AP3D1: variants seen among roughly 807,000 people sequenced by gnomAD.
The protein encoded by AP3D1 is AP-3 complex subunit delta-1.
In AP3D1, 51 loss-of-function variants were observed where a neutral mutation model predicts 147.6. That is an observed-to-expected ratio of 0.35 (90% CI 0.28 to 0.44). AP3D1 has a LOEUF of 0.44. Among genes scored for constraint, AP3D1 ranks in the 20% least tolerant of loss-of-function variants. The pLI is 1.00. For synonymous variants in AP3D1, 760 were observed against 663.0 expected, an observed-to-expected ratio of 1.15 and a Z score of -2.25; for missense variants, 1,421 against 1,624.2, an observed-to-expected ratio of 0.87 and a Z score of 2.15.
At chr19:2,110,954 A>T (rs1195655828) in intron 26 of AP3D1, 58 bp from the exon 27 acceptor site, 17 of 1,558,054 alleles carry the variant, frequency 1.1e-5, no homozygotes, top group Non-Finnish European at 1.4e-5. Context: ...GAACAGGCAC[A>T]GCCACCTGTC....
At chr19:2,136,119 G>A (rs1340787611) in intron 4 of AP3D1, among the ~76,000 whole-genome samples, 1 of 152,130 alleles carries the variant, frequency 6.6e-6, no homozygotes, top group Admixed American at 6.5e-5. Context: ...TGACCCAAGA[G>A]CCCCACGGCA....
At chr19:2,142,309 C>T (rs946924869) in intron 1 of AP3D1, among the ~76,000 whole-genome samples, 3 of 151,604 alleles carry the variant, frequency 2.0e-5, no homozygotes, top group African/African-American at 2.4e-5. Flanking sequence ...CTACTGCACC[C>T]GACCTAACAT....
upstream of AP3D1, among the ~76,000 whole-genome samples, chr19:2,155,317 C>T (rs1425453063): frequency 5.9e-5 from 9 of 151,326 alleles, no homozygotes; most frequent in Admixed American, 1.3e-4. Flanking sequence ...GTGGAGATTG[C>T]GCCACTGCAC....
At chr19:2,102,597 G>A (rs557014134) in intron 31 of AP3D1, among the ~76,000 whole-genome samples, 21 of 152,052 alleles carry the variant, frequency 1.4e-4, no homozygotes, top group African/African-American at 2.2e-4. Flanking sequence ...GCAGGGTGGC[G>A]GGTGCCTGTA....
intron 14 of AP3D1, among the ~76,000 whole-genome samples, chr19:2,119,794 G>C (rs148260810): frequency 1.5e-4 from 23 of 151,434 alleles, no homozygotes; most frequent in Middle Eastern, 6.9e-3. Flanking sequence ...AAATTAGCCA[G>C]GCTTGAGCTT....
rs1568280235 is a variant in AP3D1, at chr19:2,114,316, GACCGGGCC to G, written c.2424-22_2424-15del. ...TCGGCTAAGGGCCTGGAGGAGGAAT[GACCGGGCC>G]ACACATCAGCACCACTGGCCACCCC... On this transcript the variant is annotated splice_polypyrimidine_tract_variant and intron_variant, in intron 21 of 31. Coordinates refer to ENST00000643116, the MANE Select transcript of AP3D1 (RefSeq NM_001261826.3). 1.9e-6 allele frequency: 3 copies of G among 1,605,464 alleles called. No homozygotes were observed. The highest frequency in any genetic ancestry group is 2.2e-5 in the South Asian group (2 of 90,750).
intron 1 of AP3D1, among the ~76,000 whole-genome samples, chr19:2,141,286 C>A (rs1380664088): frequency 6.6e-6 from 1 of 152,080 alleles, no homozygotes; most frequent in African/African-American, 2.4e-5. Flanking sequence ...AAGTGAGATA[C>A]TAAAACAATG....
chr19:2,138,705 T>A lies in AP3D1; in HGVS notation c.106A>T (p.Ile36Leu). 6.2e-7 allele frequency: 1 copy of A among 1,612,424 alleles called. No individual in the cohort carries two copies. The highest frequency in any genetic ancestry group is 8.5e-7 in the Non-Finnish European group (1 of 1,179,322). ...RNHKEDEAKY[I>L]SQCIDEIKQE... is the part of the protein sequence containing the mutation. The stretch of plus-strand genomic sequence containing the variant: ...TTGATCTCATCAATGCACTGAGATA[T>A]GTATTTTGCCTATAATGGGGGATAA... The change falls in exon 2 of 32, where the codon ATA (isoleucine) becomes TTA (leucine). Residue 36 changes from isoleucine to leucine, a missense_variant. Ile to Leu is a conservative substitution (Grantham distance 5, BLOSUM62 2). This residue lies in a region of AP3D1 where 292 missense variants were observed against 412.0 expected (regional missense o/e 0.71). Coordinates refer to ENST00000643116, the MANE Select transcript of AP3D1 (RefSeq NM_001261826.3).
intron 1 of AP3D1, among the ~76,000 whole-genome samples, chr19:2,148,921 C>G (rs937774999): frequency 6.6e-6 from 1 of 152,154 alleles, no homozygotes; most frequent in East Asian, 1.9e-4. Flanking sequence ...GTCTTTGTTC[C>G]GGGTGCAGTG....
chr19:2,153,574 G>T (rs943599175), upstream of AP3D1, among the ~76,000 whole-genome samples: 2 of 151,286 alleles, frequency 1.3e-5, no homozygotes, highest in African/African-American at 4.9e-5. Flanking sequence ...TATTGGGGAG[G>T]CTGAGGCAGG....
chr19:2,143,196 T>C (rs891227236), intron 1 of AP3D1, among the ~76,000 whole-genome samples: 72 of 150,240 alleles, frequency 4.8e-4, no homozygotes, highest in Non-Finnish European at 1.2e-4. Context: ...TCCAAGCAGC[T>C]AGGACTACAG....
chr19:2,163,532 G>A (rs1311201435), intron 1 of AP3D1, among the ~76,000 whole-genome samples: 3 of 149,832 alleles, frequency 2.0e-5, no homozygotes, highest in African/African-American at 7.4e-5. Context: ...CATTGTTGTC[G>A]AATGAATACT....
At chr19:2,157,367 G>A (rs868786864) in intron 1 of AP3D1, among the ~76,000 whole-genome samples, 8 of 148,796 alleles carry the variant, frequency 5.4e-5, no homozygotes, top group East Asian at 2.0e-4. Context: ...GCGTGAACCC[G>A]GGAGGCAGAG....
At chr19:2,139,721 G>A (rs2019170197) in intron 1 of AP3D1, among the ~76,000 whole-genome samples, 3 of 152,236 alleles carry the variant, frequency 2.0e-5, no homozygotes, top group Admixed American at 2.0e-4. Context: ...CGACAGGTCA[G>A]GAGTGACGGC....
chr19:2,111,704 C>A lies in AP3D1; in HGVS notation c.2912G>T (p.Gly971Val), dbSNP rs1243272089. ...CGGGAGCTGCTCCTCCTCTGGCGCG[C>A]CATTCTGCACCGGCTCCCCCGCTGC... is the stretch of plus-strand genomic sequence containing the variant. ...EEAAGEPVQN[G>V]APEEEQLPPE... Residue 971 changes from glycine (G) to valine (V), a missense_variant, in exon 25 of 32, where the codon GGC (glycine) becomes GTC (valine). Around this residue, in one of 6 missense-constraint regions of AP3D1, gnomAD observed 791 missense variants for 761.4 expected, o/e 1.04. Transcript: ENST00000643116. The A allele has an allele frequency of 6.3e-7, 1 of 1,599,014 alleles. No homozygotes were observed. The highest frequency in any genetic ancestry group is 1.1e-5 in the South Asian group (1 of 89,250).
intron 5 of AP3D1, 28 bp from the exon 6 acceptor site, chr19:2,130,565 C>T (rs527775530): frequency 2.0e-5 from 32 of 1,611,980 alleles, no homozygotes; most frequent in East Asian, 8.9e-5. Flanking sequence ...TCAGCCTGCG[C>T]GGGCTTTCTG....
chr19:2,132,092 G>A (rs1245919128), intron 5 of AP3D1, among the ~76,000 whole-genome samples: 1 of 152,134 alleles, frequency 6.6e-6, no homozygotes, highest in African/African-American at 2.4e-5. Flanking sequence ...CGTAGCCTTT[G>A]ACAAGCAGAG....
chr19:2,129,226 G>A (rs886066434), intron 7 of AP3D1, 63 bp from the exon 8 acceptor site: 4 of 1,608,998 alleles, frequency 2.5e-6, no homozygotes, highest in African/African-American at 2.7e-5. Context: ...GAGGGACAGG[G>A]GGGGCCTCGG....
At chr19:2,141,750 C>A (rs1352748551) in intron 1 of AP3D1, among the ~76,000 whole-genome samples, 1 of 146,578 alleles carries the variant, frequency 6.8e-6, no homozygotes, top group African/African-American at 2.5e-5. Flanking sequence ...TTTTTTTTTT[C>A]TTTTATTGAG....
Sources: gnomAD v4.1 joint callset for allele counts (sites outside exome capture counted in the v4.1 genomes callset) on GRCh38, gnomAD v4.1.1 for gene constraint, gnomAD v4.1.1 regional missense constraint, MANE v1.5 for transcripts, NCBI Gene and HGNC (gene_info 2026-07-23, HGNC 2026-07-21) for gene names.